The following LCORL variants were observed in gnomAD, a reference collection of about 807,000 sequenced individuals.
LCORL encodes ligand-dependent nuclear receptor corepressor-like protein.
In LCORL, 41 loss-of-function variants were observed where a neutral mutation model predicts 141.8. That is an observed-to-expected ratio of 0.29 (90% confidence interval 0.23 to 0.38). The LOEUF (loss-of-function observed/expected upper bound fraction) is 0.38. Ranked by LOEUF, LCORL falls within the 10% of genes least tolerant of loss-of-function variation. The pLI, the probability that LCORL is intolerant of heterozygous loss-of-function variation, is 1.00. For missense variants in LCORL, 1,759 were observed against 2,035.0 expected (o/e 0.86, Z 2.61); for synonymous variants, 618 against 694.1 (o/e 0.89, Z 1.72).
chr4:18,020,533 G>A (rs936309651), intron 1 of LCORL: 4 of 150,036 alleles, frequency 2.7e-5, no homozygotes, highest in African/African-American at 9.8e-5. Flanking sequence ...AAACCAACCT[G>A]CTGGATAACA....
intron 1 of LCORL, among the ~76,000 whole-genome samples, chr4:17,974,703 A>G (rs12501035): frequency 0.24 from 36,092 of 152,060 alleles, 5,468 homozygotes; most frequent in African/African-American, 0.43. Context: ...TTTGTGTATT[A>G]TAATATTTAT....
intron 4 of LCORL, among the ~76,000 whole-genome samples, chr4:17,915,888 A>C (rs144563082): frequency 7.9e-4 from 121 of 152,328 alleles, no homozygotes; most frequent in African/African-American, 2.8e-3. Context: ...TCATGTTAAA[A>C]TGTGATTCTG....
intron 1 of LCORL, among the ~76,000 whole-genome samples, chr4:17,976,967 C>T (rs1055904969): frequency 3.9e-5 from 6 of 152,076 alleles, no homozygotes; most frequent in South Asian, 2.1e-4. Context: ...ACTAAATCTG[C>T]GGAATTATTT....
Position 17,991,331 on chromosome 4 carries a change from C to T in LCORL, c.155-18446G>A, listed in dbSNP as rs537789027. 2.6e-5 allele frequency among the ~76,000 whole-genome samples: 4 copies of T among 152,258 alleles called. No individual in the cohort carries two copies. The East Asian group carries it at 7.7e-4, about 29-fold the overall frequency. ...AAATTCTGTGTCTTTAAGGAAGGCG[C>T]CTCTAATTAAACCATTCCTCATTAA... is the stretch of plus-strand genomic sequence containing the variant. On this transcript the variant is annotated intron_variant, in intron 1 of 7. Coordinates refer to ENST00000635767, the Ensembl canonical transcript of LCORL.
chr4:18,010,394 G>A (rs1560480860), intron 1 of LCORL, among the ~76,000 whole-genome samples: 1 of 144,362 alleles, frequency 6.9e-6, no homozygotes, highest in East Asian at 2.0e-4. Flanking sequence ...ATATGTGTGT[G>A]TGTCTGTGTG....
intron 4 of LCORL, among the ~76,000 whole-genome samples, chr4:17,953,290 G>C (rs779764983): frequency 6.6e-6 from 1 of 152,152 alleles, no homozygotes; most frequent in Non-Finnish European, 1.5e-5. Context: ...TTGAATGGTA[G>C]TTCTGTTTTT....
chr4:17,882,935 T>C, intron 6 of LCORL: 1 of 924,628 alleles, frequency 1.1e-6, no homozygotes, highest in Non-Finnish European at 1.3e-6. Context: ...CAAAACTAAA[T>C]TATTTTAATA....
intron 2 of LCORL, among the ~76,000 whole-genome samples, chr4:17,968,074 T>C (rs1202180168): frequency 3.9e-5 from 6 of 152,030 alleles, no homozygotes; most frequent in African/African-American, 1.5e-4. Flanking sequence ...GCCAGGCCGG[T>C]TTCAAGCTCC....
intron 1 of LCORL, among the ~76,000 whole-genome samples, chr4:18,016,882 G>A (rs959365054): frequency 1.3e-5 from 2 of 152,006 alleles, no homozygotes; most frequent in African/African-American, 2.4e-5. Context: ...TAGACAAAAT[G>A]GTTACAGTGA....
intron 5 of LCORL, 139 bp downstream of exon 5, chr4:17,908,955 T>C: frequency 1.3e-6 from 1 of 757,244 alleles, no homozygotes; most frequent in South Asian, 2.5e-5. Flanking sequence ...GGTACTTCTC[T>C]CCAGCACATA....
intron 7 of LCORL, among the ~76,000 whole-genome samples, chr4:17,847,069 C>G (rs910504899): frequency 6.6e-6 from 1 of 152,160 alleles, no homozygotes; most frequent in African/African-American, 2.4e-5. Context: ...ATCACAGACA[C>G]GTGACAGTCA....
At chr4:17,861,445 C>T (rs539111457) in intron 7 of LCORL, among the ~76,000 whole-genome samples, 22 of 152,310 alleles carry the variant, frequency 1.4e-4, no homozygotes, top group African/African-American at 5.1e-4. Flanking sequence ...CCCTAGACTG[C>T]ACACAGCACG....
chr4:17,873,844 GACATACA>G lies in LCORL; in HGVS notation c.5139_5145del (p.Val1714LeufsTer9), dbSNP rs1726636185. 8.1e-7 allele frequency: 1 copy of G among 1,233,746 alleles called. No homozygotes were observed. The highest frequency in any genetic ancestry group is 1.6e-5 in the African/African-American group (1 of 64,432). 76.4% of individuals were successfully genotyped at this position (1,233,746 alleles called of 1,614,324 possible). On this transcript the variant is annotated frameshift_variant, in exon 7 of 8. Transcript: ENST00000635767. LOFTEE classifies it high-confidence loss of function. ...AAGGTTTTTGACCTCCAACTATTAG[GACATACA>G]TTTTCTAGTCTTGGTCCCTTTTGAA...
At chr4:17,942,605 T>C (rs747437997) in intron 4 of LCORL, among the ~76,000 whole-genome samples, 2 of 152,204 alleles carry the variant, frequency 1.3e-5, no homozygotes, top group Non-Finnish European at 2.9e-5. Context: ...CTAGAGATCA[T>C]CTTTCATTTT....
intron 2 of LCORL, among the ~76,000 whole-genome samples, chr4:17,970,587 AGC>A (rs1715736487): frequency 6.6e-6 from 1 of 152,228 alleles, no homozygotes; most frequent in Admixed American, 6.5e-5. Flanking sequence ...GCCAGACAGC[AGC>A]CAGGAGCCCA....
intron 4 of LCORL, among the ~76,000 whole-genome samples, chr4:17,921,221 T>C (rs1056300949): frequency 6.6e-6 from 1 of 151,768 alleles, no homozygotes; most frequent in African/African-American, 2.4e-5. Flanking sequence ...AGAGACAGGG[T>C]TTCACCATGT....
intron 7 of LCORL, among the ~76,000 whole-genome samples, chr4:17,870,673 A>G (rs183865723): frequency 6.6e-6 from 1 of 152,314 alleles, no homozygotes; most frequent in Non-Finnish European, 1.5e-5. Context: ...AAAATGAAAT[A>G]CATTCTATTT....
chr4:17,998,624 T>C (rs1280463629), intron 1 of LCORL, among the ~76,000 whole-genome samples: 1 of 152,082 alleles, frequency 6.6e-6, no homozygotes, highest in Non-Finnish European at 1.5e-5. Flanking sequence ...TGCCTTCTTC[T>C]GGAATATCTC....
In LCORL at chr4:17,914,098, A is replaced by G. The variant is rs1560333399; in HGVS notation, c.431-4753T>C. On this transcript the variant is annotated intron_variant, in intron 4 of 7. Coordinates refer to ENST00000635767, the Ensembl canonical transcript of LCORL. Reference sequence around the variant, plus strand: ...CAAACTAGATTATATTAGCACATGTAACCTAACTAAAGTGCATTATCAAAA... The same window carrying G: ...CAAACTAGATTATATTAGCACATGTGACCTAACTAAAGTGCATTATCAAAA... 2.0e-5 allele frequency among the ~76,000 whole-genome samples: 3 copies of G among 152,256 alleles called. No homozygotes were observed. In the South Asian group the frequency reaches 6.2e-4, roughly 32 times the overall value.
Sources: allele counts gnomAD v4.1 joint callset (sites outside exome capture counted in the v4.1 genomes callset), GRCh38; gene constraint gnomAD v4.1.1; transcripts MANE v1.5; gene names NCBI Gene and HGNC (gene_info 2026-07-23, HGNC 2026-07-21).